Variants in LSAMP observed in about 807,000 individuals in gnomAD.
LSAMP encodes the protein limbic system associated membrane protein.
In LSAMP, 7 loss-of-function variants were observed where a neutral mutation model predicts 38.6. That is an observed-to-expected ratio of 0.18 (90% CI 0.10 to 0.34). LSAMP has a LOEUF of 0.34. Ranked by LOEUF, LSAMP falls within the 10% of genes least tolerant of loss-of-function variation. LSAMP has a pLI of 1.00. For synonymous variants in LSAMP, 154 were observed against 166.8 expected, an observed-to-expected ratio of 0.92 and a Z score of 0.59; for missense variants, 313 against 420.0, an observed-to-expected ratio of 0.75 and a Z score of 2.23.
intron 3 of LSAMP, among the ~76,000 whole-genome samples, chr3:115,904,595 C>A (rs1936962849): frequency 6.6e-6 from 1 of 151,626 alleles, no homozygotes; most frequent in East Asian, 1.9e-4. Flanking sequence ...GTGTCCTTGT[C>A]CCTTCTCTCA....
chr3:116,129,900 T>C (rs1349181116), intron 1 of LSAMP, among the ~76,000 whole-genome samples: 2 of 152,230 alleles, frequency 1.3e-5, no homozygotes, highest in Non-Finnish European at 2.9e-5. Context: ...TCAGATTTTA[T>C]GTGTTCATCT....
intron 1 of LSAMP, among the ~76,000 whole-genome samples, chr3:116,147,605 C>T (rs868341029): frequency 4.0e-5 from 6 of 151,870 alleles, no homozygotes; most frequent in Middle Eastern, 6.8e-3. Flanking sequence ...GACAACAGGC[C>T]CTACATTTTA....
chr3:115,851,302 C>G (rs1489228863), intron 4 of LSAMP, among the ~76,000 whole-genome samples: 1 of 152,158 alleles, frequency 6.6e-6, no homozygotes, highest in Non-Finnish European at 1.5e-5. Context: ...CAATGCTGCA[C>G]ATAGTAGGTA....
chr3:116,247,286 C>T (rs1194642510), intron 1 of LSAMP, among the ~76,000 whole-genome samples: 1 of 152,172 alleles, frequency 6.6e-6, no homozygotes, highest in Admixed American at 6.5e-5. Flanking sequence ...TGACAGAGAA[C>T]TCACTACTGT....
intron 1 of LSAMP, among the ~76,000 whole-genome samples, chr3:116,272,956 G>T (rs1462724118): frequency 6.6e-6 from 1 of 151,946 alleles, no homozygotes; most frequent in African/African-American, 2.4e-5. Context: ...ATTATTTCTG[G>T]GGTTTATGAC....
intron 3 of LSAMP, among the ~76,000 whole-genome samples, chr3:115,982,359 T>A (rs1010650451): frequency 1.3e-5 from 2 of 152,342 alleles, no homozygotes; most frequent in Admixed American, 6.5e-5. Flanking sequence ...CCTAGTTTAG[T>A]AACAGCTTCC....
chr3:116,346,719 T>C (rs2048068615), intron 1 of LSAMP, among the ~76,000 whole-genome samples: 1 of 152,226 alleles, frequency 6.6e-6, no homozygotes, highest in African/African-American at 2.4e-5. Context: ...GGGCTGTATG[T>C]GTCGACACAT....
intron 1 of LSAMP, among the ~76,000 whole-genome samples, chr3:116,273,163 C>T (rs1350048422): frequency 6.6e-6 from 1 of 152,052 alleles, no homozygotes; most frequent in Non-Finnish European, 1.5e-5. Context: ...ACCTACTACA[C>T]CAGCCAAACT....
intron 1 of LSAMP, among the ~76,000 whole-genome samples, chr3:116,277,894 G>C (rs553310256): frequency 2.1e-4 from 32 of 152,244 alleles, no homozygotes; most frequent in African/African-American, 7.2e-4. Flanking sequence ...AAAAGAAATT[G>C]TCCTATCTTT....
chr3:116,226,662 C>A (rs147018981), intron 1 of LSAMP, among the ~76,000 whole-genome samples: 124 of 152,212 alleles, frequency 8.1e-4, no homozygotes, highest in African/African-American at 2.8e-3. Flanking sequence ...TGAACCCCTT[C>A]AAGGGTTATT....
intron 1 of LSAMP, among the ~76,000 whole-genome samples, chr3:116,153,513 A>C (rs981494923): frequency 6.6e-6 from 1 of 152,150 alleles, no homozygotes. Flanking sequence ...CAAGGATAAA[A>C]ATAGTTTCAG....
chr3:115,821,874 C>T (rs1360251101), intron 6 of LSAMP, among the ~76,000 whole-genome samples: 2 of 152,138 alleles, frequency 1.3e-5, no homozygotes, highest in Non-Finnish European at 2.9e-5. Context: ...TAAGATTCTG[C>T]CATGGAAATT....
At chr3:116,073,586 C>T (rs1707664741) in intron 2 of LSAMP, among the ~76,000 whole-genome samples, 1 of 152,152 alleles carries the variant, frequency 6.6e-6, no homozygotes, top group African/African-American at 2.4e-5. Context: ...TCTCTGATTT[C>T]CTTGAGCAGT....
At chr3:116,048,492 T>C (rs1206061294) in intron 2 of LSAMP, among the ~76,000 whole-genome samples, 1 of 152,194 alleles carries the variant, frequency 6.6e-6, no homozygotes, top group African/African-American at 2.4e-5. Context: ...TAGTGTGACT[T>C]AGCTATGGAC....
rs144738170 is a variant in LSAMP at position 115,877,367 on chromosome 3, T to C, written c.515-24750A>G. On this transcript the variant is annotated intron_variant, in intron 3 of 6. Transcript: ENST00000490035. The stretch of plus-strand genomic sequence containing the variant: ...GTGAAATGTGTTTGTGGAAGATAAA[T>C]AGTTTATCTTAAATATACTGTTGTA... Among the ~76,000 whole-genome samples the C allele has an allele frequency of 2.0e-5, 3 of 152,250 alleles. No individual in the cohort carries two copies. The East Asian group carries it at 5.8e-4, about 29-fold the overall frequency.
intron 1 of LSAMP, among the ~76,000 whole-genome samples, chr3:116,273,929 AGAAG>A (rs1319531042): frequency 6.6e-6 from 1 of 151,272 alleles, no homozygotes; most frequent in Non-Finnish European, 1.5e-5. Context: ...ACCATAGGTT[AGAAG>A]AATAACCCCA....
chr3:116,134,494 C>T lies in LSAMP; in HGVS notation c.156-47938G>A, dbSNP rs148990624. Among the ~76,000 whole-genome samples, 40 of 152,296 alleles carry T rather than the reference C, an allele frequency of 2.6e-4. No homozygotes were observed. In the South Asian group the frequency reaches 5.2e-3, roughly 20 times the overall value. The stretch of plus-strand genomic sequence containing the variant: ...TTTTCAATGTCCTTACATGACCTTG[C>T]CTTTAAGTCATATTCGGCCAACCCA... On this transcript the variant is annotated intron_variant, in intron 1 of 6. Transcript: ENST00000490035.
intron 1 of LSAMP, among the ~76,000 whole-genome samples, chr3:116,395,566 A>G (rs1278860928): frequency 6.6e-6 from 1 of 152,192 alleles, no homozygotes; most frequent in Non-Finnish European, 1.5e-5. Context: ...ACTACTAGAC[A>G]GCACAGAGCT....
chr3:115,990,772 C>T (rs1438825513), intron 3 of LSAMP, among the ~76,000 whole-genome samples: 1 of 152,080 alleles, frequency 6.6e-6, no homozygotes, highest in Non-Finnish European at 1.5e-5. Flanking sequence ...AAAACGAGGT[C>T]TTAGGACATT....
Sources: gnomAD v4.1 joint callset for allele counts (sites outside exome capture counted in the v4.1 genomes callset) on GRCh38, gnomAD v4.1.1 for gene constraint, MANE v1.5 for transcripts, NCBI Gene and HGNC (gene_info 2026-07-23, HGNC 2026-07-21) for gene names.